TEX36: variants seen among roughly 807,000 people sequenced by gnomAD.
TEX36 encodes the protein testis expressed 36.
In TEX36, 12 loss-of-function variants were observed where a neutral mutation model predicts 13.6. The observed-to-expected ratio is 0.88, with a 90% confidence interval of 0.56 to 1.43. TEX36 has a LOEUF of 1.43. TEX36 is among the 40% of genes most tolerant of loss of function. The probability of loss-of-function intolerance (pLI) is 0.00; values close to 1 mark genes in which losing one functional copy is unlikely to be tolerated. For synonymous variants in TEX36, 93 were observed against 83.0 expected (o/e 1.12, Z -0.65); for missense variants, 224 against 228.3 (o/e 0.98, Z 0.12).
At chr10:125,645,718 C>T (rs1589770406) in intron 3 of TEX36, among the ~76,000 whole-genome samples, 1 of 151,946 alleles carries the variant, frequency 6.6e-6, no homozygotes, top group Admixed American at 6.6e-5. Flanking sequence ...CAGATATTAG[C>T]ATTGGAGAAA....
At chr10:125,616,201 T>C (rs1292071065) in intron 3 of TEX36, among the ~76,000 whole-genome samples, 2 of 152,224 alleles carry the variant, frequency 1.3e-5, no homozygotes, top group Admixed American at 1.3e-4. Flanking sequence ...TTGCTAGTGG[T>C]CTATCAATTT....
At chr10:125,650,844 T>C (rs1365346884), downstream of TEX36, among the ~76,000 whole-genome samples, 1 of 152,126 alleles carries the variant, frequency 6.6e-6, no homozygotes, top group Admixed American at 6.5e-5. Context: ...GAATACAAAC[T>C]GCCATCAGAG....
intron 3 of TEX36, among the ~76,000 whole-genome samples, chr10:125,582,118 G>A (rs1051645956): frequency 3.3e-5 from 5 of 152,192 alleles, no homozygotes; most frequent in Admixed American, 3.3e-4. Context: ...CCAAGGGAGT[G>A]AGAAAGCCAA....
chr10:125,606,410 T>A (rs1025101873), intron 3 of TEX36, among the ~76,000 whole-genome samples: 2 of 152,258 alleles, frequency 1.3e-5, no homozygotes, highest in Non-Finnish European at 2.9e-5. Flanking sequence ...AACCAAGTCA[T>A]GTACACCATT....
chr10:125,659,068 A>T (rs891511203), intron 3 of TEX36, among the ~76,000 whole-genome samples: 2 of 152,186 alleles, frequency 1.3e-5, no homozygotes, highest in Non-Finnish European at 2.9e-5. Context: ...CCAAGAAGAG[A>T]TAGAAAGTTT....
At chr10:125,680,957 A>G (rs1196133101) in intron 1 of TEX36, among the ~76,000 whole-genome samples, 1 of 152,200 alleles carries the variant, frequency 6.6e-6, no homozygotes, top group Non-Finnish European at 1.5e-5. Flanking sequence ...CACAGCAGCC[A>G]TGTGGTTGGT....
At chr10:125,649,170 C>T (rs575372147) in intron 3 of TEX36, among the ~76,000 whole-genome samples, 2 of 152,276 alleles carry the variant, frequency 1.3e-5, no homozygotes, top group South Asian at 4.1e-4. Flanking sequence ...CAAAGATACT[C>T]CTCGAGAAGT....
chr10:125,628,061 C>A (rs1299501498), intron 3 of TEX36, among the ~76,000 whole-genome samples: 3 of 151,922 alleles, frequency 2.0e-5, no homozygotes, highest in Non-Finnish European at 4.4e-5. Flanking sequence ...TTTATTGGTG[C>A]CTTAAAAAAA....
chr10:125,655,728 GC>G lies in TEX36; in HGVS notation c.*171del. 7.6e-7 allele frequency: 1 copy of G among 1,323,002 alleles called. No homozygotes were observed. The highest frequency in any genetic ancestry group is 9.6e-7 in the Non-Finnish European group (1 of 1,039,358). The allele number at this position is 1,323,002 out of a possible 1,614,324, so 82.0% of individuals were successfully genotyped here. On this transcript the variant is annotated 3_prime_UTR_variant, in exon 4 of 4. Transcript: ENST00000368821. ...CCATCTGAAAAGTTTATTTACACAT[GC>G]GTATGTCATCACAAATTCATTTCAC...
chr10:125,605,086 C>T (rs946030416), intron 3 of TEX36, among the ~76,000 whole-genome samples: 4 of 152,144 alleles, frequency 2.6e-5, no homozygotes, highest in Non-Finnish European at 5.9e-5. Context: ...TCCCTGGTGC[C>T]CAAAAGGTTG....
At chr10:125,597,753 G>T (rs1465710034) in intron 3 of TEX36, among the ~76,000 whole-genome samples, 1 of 152,178 alleles carries the variant, frequency 6.6e-6, no homozygotes, top group Non-Finnish European at 1.5e-5. Flanking sequence ...GGCAGTCAGG[G>T]TTTAGTCCTT....
At chr10:125,582,784 TAAA>T (rs1845898998) in intron 3 of TEX36, among the ~76,000 whole-genome samples, 2 of 152,152 alleles carry the variant, frequency 1.3e-5, no homozygotes. Context: ...TTGGTTTTTT[TAAA>T]AAAGCAATTT....
chr10:125,644,082 C>T (rs1465006658), intron 3 of TEX36, among the ~76,000 whole-genome samples: 1 of 152,124 alleles, frequency 6.6e-6, no homozygotes, highest in Non-Finnish European at 1.5e-5. Context: ...TAAGTAAAAT[C>T]GTTATCAGGC....
intron 3 of TEX36, among the ~76,000 whole-genome samples, chr10:125,581,513 C>T (rs1376035346): frequency 1.3e-5 from 2 of 152,180 alleles, no homozygotes; most frequent in Admixed American, 6.5e-5. Flanking sequence ...CCCCCAGGTC[C>T]TTACAAGGAC....
At chr10:125,648,733 C>T (rs2133582556) in intron 3 of TEX36, among the ~76,000 whole-genome samples, 1 of 152,192 alleles carries the variant, frequency 6.6e-6, no homozygotes, top group Non-Finnish European at 1.5e-5. Flanking sequence ...ATGTTCGAAC[C>T]CATCGCAAAG....
chr10:125,647,323 C>CTG (rs5788711), intron 3 of TEX36, among the ~76,000 whole-genome samples: 43,772 of 151,920 alleles, frequency 0.29, 10,076 homozygotes, highest in African/African-American at 0.61. Context: ...TCATTTTACT[C>CTG]TTAAAATATG....
intron 3 of TEX36, among the ~76,000 whole-genome samples, chr10:125,642,633 A>T (rs545442563): frequency 6.6e-6 from 1 of 152,348 alleles, no homozygotes; most frequent in African/African-American, 2.4e-5. Context: ...ATATTAAATA[A>T]TATTGACTTA....
chr10:125,644,765 G>A (rs1226295158), intron 3 of TEX36, among the ~76,000 whole-genome samples: 2 of 152,174 alleles, frequency 1.3e-5, no homozygotes, highest in African/African-American at 4.8e-5. Flanking sequence ...TACATGTTAT[G>A]TTACATGAAT....
intron 1 of TEX36, among the ~76,000 whole-genome samples, chr10:125,663,519 T>C (rs1481808987): frequency 6.6e-6 from 1 of 152,178 alleles, no homozygotes; most frequent in Non-Finnish European, 1.5e-5. Context: ...CCACCAAAAG[T>C]GTATAAGAGT....
Sources: allele counts gnomAD v4.1 joint callset (sites outside exome capture counted in the v4.1 genomes callset), GRCh38; gene constraint gnomAD v4.1.1; transcripts MANE v1.5; gene names NCBI Gene and HGNC (gene_info 2026-07-23, HGNC 2026-07-21).